The following IL26 variants were observed in gnomAD, a reference collection of about 807,000 sequenced individuals.
IL26 encodes the protein interleukin 26, also known as interleukin-26.
In IL26, 23 loss-of-function variants were observed where a neutral mutation model predicts 21.7. The ratio of observed to expected loss-of-function variants is 1.06; its 90% CI spans 0.76 to 1.50. IL26 has a LOEUF of 1.50. Among genes scored for constraint, IL26 ranks in the 40% most tolerant of loss-of-function variants. The probability of loss-of-function intolerance (pLI) is 0.00; values close to 1 mark genes in which losing one functional copy is unlikely to be tolerated. For synonymous variants in IL26, 63 were observed against 67.8 expected (o/e 0.93, Z 0.34); for missense variants, 204 against 196.0 (o/e 1.04, Z -0.24).
At chr12:68,212,315 T>C (rs181078007) in intron 3 of IL26, among the ~76,000 whole-genome samples, 118 of 152,178 alleles carry the variant, frequency 7.8e-4, no homozygotes, top group Non-Finnish European at 1.2e-4. Context: ...TCAGGTAGTG[T>C]GATGCTTCCA....
intron 3 of IL26, 52 bp from the exon 4 acceptor site, chr12:68,202,135 T>G: frequency 8.8e-7 from 1 of 1,130,706 alleles, no homozygotes; most frequent in Non-Finnish European, 1.3e-6. Context: ...GCATTAATGA[T>G]ACTCTTTCAT....
intron 3 of IL26, among the ~76,000 whole-genome samples, chr12:68,223,563 G>C (rs1385809404): frequency 6.6e-6 from 1 of 152,172 alleles, no homozygotes; most frequent in African/African-American, 2.4e-5. Flanking sequence ...GGATTTGGGG[G>C]TTCTGACCAG....
chr12:68,225,408 T>C (rs1869213407), intron 2 of IL26, 36 bp downstream of exon 2: 2 of 1,533,800 alleles, frequency 1.3e-6, no homozygotes, highest in African/African-American at 2.8e-5. Flanking sequence ...ATCAAATAAG[T>C]GGAAATGTAA....
chr12:68,205,587 G>C (rs1868516538), intron 3 of IL26, among the ~76,000 whole-genome samples: 4 of 152,196 alleles, frequency 2.6e-5, no homozygotes, highest in Admixed American at 2.6e-4. Flanking sequence ...GGATAAGGAG[G>C]AAGTGGAGGA....
chr12:68,225,730 A>G lies in IL26; in HGVS notation c.27T>C (p.Cys9=), dbSNP rs771281207. The G allele has an allele frequency of 1.2e-6, 2 of 1,613,980 alleles. No homozygotes were observed. The highest frequency in any genetic ancestry group is 1.7e-5 in the Admixed American group (1 of 59,994). ...GAGACAGAGTGACTAACAGCAACCC[A>G]CACCTCAAAATGAAATTCACCAGCA... MLVNFILR[C]GLLLVTLSLA... The change falls in exon 1 of 5, where the codon TGT becomes TGC. Residue 9 remains cysteine (C), a synonymous_variant. Transcript: ENST00000229134.
In IL26 at chr12:68,222,829, ATAAT is replaced by A. The variant is rs373989883; in HGVS notation, c.363+2316_363+2319del. ...GGACGGCAGGGGAAATACGGCAAGT[ATAAT>A]TAGTTTCAATAGGTTGACCATTTAT... On this transcript the variant is annotated intron_variant, in intron 3 of 4. Coordinates refer to ENST00000229134, the MANE Select transcript of IL26 (RefSeq NM_018402.2). Among the ~76,000 whole-genome samples, 999 of 152,332 alleles carry A rather than the reference ATAAT, an allele frequency of 6.6e-3. 7 individuals are homozygous for A. Among genetic ancestry groups the A allele is most frequent in the Non-Finnish European group, 0.012 (800 of 68,042 alleles).
At chr12:68,203,632 A>G (rs1385474023) in intron 3 of IL26, among the ~76,000 whole-genome samples, 1 of 152,250 alleles carries the variant, frequency 6.6e-6, no homozygotes, top group African/African-American at 2.4e-5. Context: ...CACTTAGTTC[A>G]AACACTTGAA....
chr12:68,223,880 G>GTT (rs1334631513), intron 3 of IL26, among the ~76,000 whole-genome samples: 3,585 of 75,766 alleles, frequency 0.047, 261 homozygotes, highest in African/African-American at 0.16. Flanking sequence ...ACTTAAATTT[G>GTT]GTGGTTTTTT....
chr12:68,220,869 T>C lies in IL26; in HGVS notation c.363+4280A>G, dbSNP rs11570997. ...TCAGGTTGGTCTCGAACTCCTGACCTCAGGTGATCCACCCATCTCGGCCTC... is the reference window on the plus strand; with the variant it reads ...TCAGGTTGGTCTCGAACTCCTGACCCCAGGTGATCCACCCATCTCGGCCTC... On this transcript the variant is annotated intron_variant, in intron 3 of 4. Coordinates refer to ENST00000229134, the MANE Select transcript of IL26 (RefSeq NM_018402.2). Among the ~76,000 whole-genome samples the C allele has an allele frequency of 2.3e-3, 348 of 152,364 alleles. 1 individual carries two copies. Among genetic ancestry groups the C allele is most frequent in the African/African-American group, 7.8e-3 (326 of 41,588 alleles).
In IL26 at chr12:68,225,463, TTC is replaced by T. The variant is rs1869215854; in HGVS notation, c.207_208del (p.Lys70AsnfsTer43). On this transcript the variant is annotated frameshift_variant, in exon 2 of 5. Transcript: ENST00000229134. LOFTEE classifies it high-confidence loss of function. ...ACTTACCATAAACTGCTTTTTTGTT[TTC>T]TTTTTTAATAATCGTATATTTTTTA... is the stretch of plus-strand genomic sequence containing the variant. 1 of 1,588,180 alleles carries T rather than the reference TTC, an allele frequency of 6.3e-7. No homozygotes were observed. Among genetic ancestry groups the T allele is most frequent in the African/African-American group, 1.3e-5 (1 of 74,252 alleles).
Position 68,225,237 on chromosome 12 carries a change from T to A in IL26, c.275A>T (p.Asp92Val). ...TTGCAATTGCAGTTGACCAAAAACG[T>A]CTTCCATGAAGAAGGACAGAAGCTG... ...QEQLLSFFME[D>V]VFGQLQLQGC... Residue 92 changes from aspartate to valine, a missense_variant, in exon 3 of 5, where the codon GAC becomes GTC. By Grantham distance (152) the Asp-to-Val change is radical. Coordinates refer to ENST00000229134, the MANE Select transcript of IL26 (RefSeq NM_018402.2). The A allele has an allele frequency of 1.2e-6, 2 of 1,613,708 alleles. No homozygotes were observed. Among genetic ancestry groups the A allele is most frequent in the Non-Finnish European group, 1.7e-6 (2 of 1,179,828 alleles).
At chr12:68,207,462 T>G (rs1309305093) in intron 3 of IL26, among the ~76,000 whole-genome samples, 1 of 152,210 alleles carries the variant, frequency 6.6e-6, no homozygotes, top group East Asian at 1.9e-4. Flanking sequence ...TGAAGATAAT[T>G]AACATTATAC....
chr12:68,205,285 A>AC (rs1350810878), intron 3 of IL26, among the ~76,000 whole-genome samples: 2 of 126,780 alleles, frequency 1.6e-5, no homozygotes, highest in African/African-American at 2.9e-5. Flanking sequence ...AGGTGCACTG[A>AC]CCCCCCGCCC....
intron 3 of IL26, among the ~76,000 whole-genome samples, chr12:68,206,710 G>T (rs1329732652): frequency 6.6e-6 from 1 of 152,090 alleles, no homozygotes; most frequent in East Asian, 1.9e-4. Flanking sequence ...TTAAAATCCT[G>T]GTGCTCACTT....
intron 3 of IL26, among the ~76,000 whole-genome samples, chr12:68,216,674 C>T (rs559418736): frequency 6.6e-6 from 1 of 152,162 alleles, no homozygotes; most frequent in Non-Finnish European, 1.5e-5. Flanking sequence ...TATTATTTTA[C>T]AAGTTGATAA....
intron 3 of IL26, among the ~76,000 whole-genome samples, chr12:68,208,386 C>T (rs1230085953): frequency 2.0e-5 from 3 of 152,184 alleles, no homozygotes; most frequent in Non-Finnish European, 4.4e-5. Context: ...GTTATGGCCC[C>T]GAACCTCCAC....
intron 3 of IL26, among the ~76,000 whole-genome samples, chr12:68,224,300 GTTTTGTTTT>G (rs1451104274): frequency 1.3e-5 from 2 of 151,058 alleles, no homozygotes; most frequent in African/African-American, 2.4e-5. Flanking sequence ...GTTTTGTTTT[GTTTTGTTTT>G]GTTTTGTTTT....
At chr12:68,225,375 T>A (rs1033790605) in intron 2 of IL26, 69 bp downstream of exon 2, 2 of 1,522,672 alleles carry the variant, frequency 1.3e-6, no homozygotes, top group Non-Finnish European at 1.8e-6. Flanking sequence ...CTGAAAAAAA[T>A]TTAAATGCAG....
chr12:68,214,082 T>A (rs1868807700), intron 3 of IL26, among the ~76,000 whole-genome samples: 1 of 152,152 alleles, frequency 6.6e-6, no homozygotes, highest in Non-Finnish European at 1.5e-5. Context: ...AAGACATTTT[T>A]AAATTTCCAT....
Sources: allele counts gnomAD v4.1 joint callset (sites outside exome capture counted in the v4.1 genomes callset), GRCh38; gene constraint gnomAD v4.1.1; transcripts MANE v1.5; gene names NCBI Gene and HGNC (gene_info 2026-07-23, HGNC 2026-07-21).